MEGF6: variants seen among roughly 807,000 people sequenced by gnomAD.
MEGF6 encodes multiple epidermal growth factor-like domains protein 6.
A neutral mutation model predicts 207.1 loss-of-function variants in MEGF6; 184 were observed. The observed-to-expected ratio is 0.89, with a 90% CI of 0.79 to 1.00. The LOEUF is 1.00. Among genes scored for constraint, MEGF6 ranks in the 50% least tolerant of loss-of-function variants. MEGF6 has a pLI of 0.00. For missense variants in MEGF6, 2,282 were observed against 2,202.9 expected (o/e 1.04, Z -0.72); for synonymous variants, 1,038 against 910.0 (o/e 1.14, Z -2.53).
intron 26 of MEGF6, among the ~76,000 whole-genome samples, chr1:3,497,865 G>A (rs1312500906): frequency 1.3e-5 from 2 of 152,208 alleles, no homozygotes; most frequent in South Asian, 4.1e-4. Flanking sequence ...CTGGAAGGGG[G>A]GCTCGTGTTA....
intron 3 of MEGF6, among the ~76,000 whole-genome samples, chr1:3,580,174 C>T (rs1643758098): frequency 6.6e-6 from 1 of 151,440 alleles, no homozygotes; most frequent in Admixed American, 6.6e-5. Flanking sequence ...AGCCCTAACT[C>T]ACTTCACCTA....
At chr1:3,506,302 G>A (rs1004891767) in intron 14 of MEGF6, 66 bp from the exon 15 acceptor site, 4 of 1,560,994 alleles carry the variant, frequency 2.6e-6, no homozygotes, top group South Asian at 2.3e-5. Flanking sequence ...GTCCCCCCAT[G>A]TGGTAGGATG....
At chr1:3,538,337 C>T (rs950861554) in intron 4 of MEGF6, among the ~76,000 whole-genome samples, 5 of 152,222 alleles carry the variant, frequency 3.3e-5, no homozygotes, top group African/African-American at 1.2e-4. Context: ...GGCCCCCACC[C>T]GGCCTCAGAG....
In MEGF6 at chr1:3,501,802, C is replaced by T. The variant is rs1640880619; in HGVS notation, c.2308G>A (p.Glu770Lys). 6.2e-7 allele frequency: 1 copy of T among 1,610,348 alleles called. No individual in the cohort carries two copies. The highest frequency in any genetic ancestry group is 1.1e-5 in the South Asian group (1 of 90,900). The change falls in exon 18 of 37, where the codon GAG becomes AAG. Residue 770 changes from glutamate (E) to lysine (K), a missense_variant. Physicochemically the swap from Glu to Lys is moderately conservative, Grantham distance 56. Coordinates refer to ENST00000356575, the MANE Select transcript of MEGF6 (RefSeq NM_001409.4). ...CPPGRTGEDC[E>K]ADCPEGRWGL... ...GGCTGCGGCTGACACTCACCTGCCT[C>T]ACAGTCTTCCCCAGTCCTCCCCGGC...
Position 3,556,992 on chromosome 1 carries a change from G to C in MEGF6, c.481+22833C>G, listed in dbSNP as rs1256823097. On this transcript the variant is annotated intron_variant, in intron 4 of 36. Coordinates refer to ENST00000356575, the MANE Select transcript of MEGF6 (RefSeq NM_001409.4). The surrounding 1 kb of genome is among the most constrained non-coding windows in gnomAD (Gnocchi z 4.4). Reference sequence around the variant, plus strand: ...TCACATGGAGTTTCATGGGTGCTGGGGATGCGGGGAAGGCAGGAGGGAAGG... The same window carrying C: ...TCACATGGAGTTTCATGGGTGCTGGCGATGCGGGGAAGGCAGGAGGGAAGG... Among the ~76,000 whole-genome samples, 1 of 152,190 alleles carries C rather than the reference G, an allele frequency of 6.6e-6. No individual in the cohort carries two copies. Among genetic ancestry groups the C allele is most frequent in the Non-Finnish European group, 1.5e-5 (1 of 68,036 alleles).
At chr1:3,575,641 G>T (rs1175786525) in intron 4 of MEGF6, among the ~76,000 whole-genome samples, 1 of 105,406 alleles carries the variant, frequency 9.5e-6, no homozygotes, top group Non-Finnish European at 2.0e-5. Flanking sequence ...CATCTTACAT[G>T]GATGGCAGCA....
chr1:3,546,321 A>G (rs957594744), intron 4 of MEGF6, among the ~76,000 whole-genome samples: 1 of 152,198 alleles, frequency 6.6e-6, no homozygotes, highest in Non-Finnish European at 1.5e-5. Flanking sequence ...TAGAGCTCGC[A>G]AACGCTTCTA....
chr1:3,500,684 T>C lies in MEGF6; in HGVS notation c.2656A>G (p.Ser886Gly). The C allele has an allele frequency of 1.3e-6, 2 of 1,578,468 alleles. No homozygotes were observed. The highest frequency in any genetic ancestry group is 1.7e-6 in the Non-Finnish European group (2 of 1,162,494). The change falls in exon 21 of 37, where the codon AGC becomes GGC. Residue 886 changes from serine to glycine, a missense_variant. By Grantham distance (56) the Ser-to-Gly change is moderately conservative (BLOSUM62 0). Transcript: ENST00000356575. ...SAGHGSCDAI[S>G]GLCLCEAGYV... The stretch of plus-strand genomic sequence containing the variant: ...CCAGCCTCACACAGACACAGGCCGC[T>C]GATGGCATCACAGCTCCCGTGGCCA...
At chr1:3,601,515 C>T (rs1644158334) in intron 2 of MEGF6, among the ~76,000 whole-genome samples, 1 of 152,200 alleles carries the variant, frequency 6.6e-6, no homozygotes, top group African/African-American at 2.4e-5. Flanking sequence ...TGAACCTCAG[C>T]CCTCCTGGTA....
intron 14 of MEGF6, 119 bp downstream of exon 14, chr1:3,507,676 T>C: frequency 7.4e-7 from 1 of 1,349,274 alleles, no homozygotes; most frequent in Non-Finnish European, 1.1e-6. Flanking sequence ...AAAAGTTTGG[T>C]AGCAGTTTCC....
the MEGF6 span, chr1:3,624,739 C>T: frequency 1.2e-5 from 2 of 166,364 alleles, no homozygotes; most frequent in Non-Finnish European, 2.6e-5. Flanking sequence ...CCCAGCCGCT[C>T]CGCGACACCC....
rs568157494 is a variant in MEGF6, at chr1:3,501,018, G to A, written c.2523C>T (p.Ala841=). The change falls in exon 20 of 37, where the codon GCC becomes GCT. Residue 841 remains alanine (A), a synonymous_variant. Transcript: ENST00000356575. The part of the protein sequence containing the change: ...SCANDGHCHP[A]TGHCSCAPGW... ...CGGGGGCACAGCTGCAGTGTCCGGT[G>A]GCTGGGTGGCAGTGCCCATCATTGG... 8.0e-5 allele frequency: 129 copies of A among 1,612,626 alleles called. No homozygotes were observed. In the Admixed American group the frequency reaches 2.1e-3, roughly 27 times the overall value.
chr1:3,542,149 G>C (rs564667489), intron 4 of MEGF6, among the ~76,000 whole-genome samples: 87 of 152,352 alleles, frequency 5.7e-4, no homozygotes, highest in Admixed American at 2.1e-3. Context: ...GGTCAGCCGG[G>C]GTGGGAGCAG....
At chr1:3,602,704 T>G in intron 1 of MEGF6, 104 bp from the exon 2 acceptor site, 1 of 1,455,696 alleles carries the variant, frequency 6.9e-7, no homozygotes, top group South Asian at 1.4e-5. Context: ...TGGAGTGAGG[T>G]CCAGACCCGT....
intron 29 of MEGF6, 33 bp downstream of exon 29, chr1:3,496,622 C>T (rs374757931): frequency 4.3e-5 from 67 of 1,563,390 alleles, no homozygotes; most frequent in Non-Finnish European, 4.9e-5. Flanking sequence ...ACACAGGAGG[C>T]GCCACTCAGC....
At chr1:3,520,744 T>C (rs1012657878) in intron 5 of MEGF6, among the ~76,000 whole-genome samples, 4 of 152,146 alleles carry the variant, frequency 2.6e-5, no homozygotes, top group Non-Finnish European at 5.9e-5. Flanking sequence ...AGGGGAACCC[T>C]TTTGGTGTCT....
At chr1:3,501,753 T>A in intron 18 of MEGF6, 43 bp downstream of exon 18, 1 of 1,600,206 alleles carries the variant, frequency 6.2e-7, no homozygotes, top group Non-Finnish European at 8.5e-7. Context: ...CTTGGAGCCG[T>A]GCAGCCTGGG....
chr1:3,605,555 CACTCAT>C (rs59073362), intron 1 of MEGF6, among the ~76,000 whole-genome samples: 59,732 of 111,344 alleles, frequency 0.54, 12,066 homozygotes, highest in East Asian at 0.64. Flanking sequence ...TATTCTCATA[CACTCAT>C]ACACTCACAT....
intron 7 of MEGF6, 132 bp from the exon 8 acceptor site, chr1:3,512,260 T>C (rs1641380427): frequency 8.2e-7 from 1 of 1,218,692 alleles, no homozygotes; most frequent in African/African-American, 1.5e-5. Flanking sequence ...TCAAGGCCAA[T>C]CCCACTGTCC....
Sources: gnomAD v4.1 joint callset for allele counts (sites outside exome capture counted in the v4.1 genomes callset) on GRCh38, gnomAD v4.1.1 for gene constraint, Gnocchi (gnomAD v3.1) non-coding constraint, MANE v1.5 for transcripts, NCBI Gene and HGNC (gene_info 2026-07-23, HGNC 2026-07-21) for gene names.